The following SCARA5 variants were observed in gnomAD, a reference collection of about 807,000 sequenced individuals.
SCARA5 encodes the protein scavenger receptor class A, member 5 (putative).
In SCARA5, 45 loss-of-function variants were observed where a neutral mutation model predicts 46.3. The observed-to-expected ratio is 0.97, with a 90% CI of 0.76 to 1.24. The LOEUF (loss-of-function observed/expected upper bound fraction) is 1.24, where lower values mean the gene tolerates loss of function less well. Ranked by LOEUF, SCARA5 falls within the 50% of genes most tolerant of loss-of-function variation. The probability of loss-of-function intolerance (pLI) is 0.00; values close to 1 mark genes in which losing one functional copy is unlikely to be tolerated. For missense variants in SCARA5, 680 were observed against 689.0 expected, an observed-to-expected ratio of 0.99 and a Z score of 0.15; for synonymous variants, 333 against 306.5, an observed-to-expected ratio of 1.09 and a Z score of -0.90.
At chr8:27,872,398 G>A (rs911760931) in intron 8 of SCARA5, among the ~76,000 whole-genome samples, 13 of 152,224 alleles carry the variant, frequency 8.5e-5, no homozygotes, top group Admixed American at 3.3e-4. Context: ...CTTGAAGTAC[G>A]TGGGTAAAAT....
intron 2 of SCARA5, among the ~76,000 whole-genome samples, chr8:27,973,730 C>T (rs141618015): frequency 2.2e-4 from 33 of 152,294 alleles, no homozygotes; most frequent in Middle Eastern, 3.4e-3. Context: ...GGCCACAGCT[C>T]TGCAGCAAGG....
chr8:27,874,148 A>G (rs1372872681), intron 8 of SCARA5, among the ~76,000 whole-genome samples: 1 of 152,262 alleles, frequency 6.6e-6, no homozygotes, highest in East Asian at 1.9e-4. Flanking sequence ...TTTCTGCCTT[A>G]TAGAGCTAAC....
In SCARA5 at chr8:27,922,126, G is replaced by T. The variant is rs1807606226; in HGVS notation, c.361C>A (p.Leu121Met). Residue 121 changes from leucine to methionine, a missense_variant, in exon 4 of 9, where the codon CTG becomes ATG. Physicochemically the swap from Leu to Met is conservative, Grantham distance 15. Around this residue, in one of 3 missense-constraint regions of SCARA5, gnomAD observed 438 missense variants for 384.5 expected, o/e 1.14. Transcript: ENST00000354914. ...TGCACCTTCCACACCTGCTCCGTCA[G>T]GTCCGCTTGCAGCGGAGCCTGCAGC... ...RLLQAPLQAD[L>M]TEQVWKVQDA... 1.9e-6 allele frequency: 3 copies of T among 1,607,010 alleles called. No homozygotes were observed. Among genetic ancestry groups the T allele is most frequent in the African/African-American group, 2.7e-5 (2 of 74,884 alleles).
chr8:27,929,465 T>TG (rs1384571377), intron 3 of SCARA5, among the ~76,000 whole-genome samples: 1 of 152,228 alleles, frequency 6.6e-6, no homozygotes, highest in Non-Finnish European at 1.5e-5. Context: ...ACCTAAACCT[T>TG]GGGCACTGGT....
chr8:27,978,251 G>A (rs144502174), intron 2 of SCARA5, among the ~76,000 whole-genome samples: 1,504 of 149,216 alleles, frequency 0.01, 30 homozygotes, highest in African/African-American at 0.035. Flanking sequence ...GGTTGGTTTC[G>A]AACTCCTGAC....
chr8:27,941,321 G>A (rs968919479), intron 3 of SCARA5, among the ~76,000 whole-genome samples: 2 of 152,200 alleles, frequency 1.3e-5, no homozygotes, highest in Admixed American at 1.3e-4. Context: ...GGAGTCCAGA[G>A]GCCTGGGTTT....
At chr8:27,904,643 G>T in intron 7 of SCARA5, 135 bp downstream of exon 7, 1 of 823,960 alleles carries the variant, frequency 1.2e-6, no homozygotes, top group Non-Finnish European at 2.1e-6. Context: ...CCCTAAAAAA[G>T]GTAGGGAGCC....
chr8:27,950,358 A>C (rs1175671530), intron 3 of SCARA5, among the ~76,000 whole-genome samples: 1 of 150,678 alleles, frequency 6.6e-6, no homozygotes, highest in East Asian at 2.0e-4. Context: ...CCCCACACAC[A>C]CCCCCAATCC....
At chr8:27,983,146 A>G (rs1409020049) in intron 2 of SCARA5, among the ~76,000 whole-genome samples, 1 of 152,148 alleles carries the variant, frequency 6.6e-6, no homozygotes, top group African/African-American at 2.4e-5. Context: ...CCAAGCCCAT[A>G]AAAGAGGGAC....
intron 3 of SCARA5, among the ~76,000 whole-genome samples, chr8:27,928,652 T>C (rs1168390044): frequency 6.6e-6 from 1 of 151,784 alleles, no homozygotes; most frequent in Non-Finnish European, 1.5e-5. Flanking sequence ...CTTTCTCTTT[T>C]TCTTTTCTTT....
At chr8:27,937,972 C>T (rs74540449) in intron 3 of SCARA5, among the ~76,000 whole-genome samples, 25 of 152,136 alleles carry the variant, frequency 1.6e-4, no homozygotes, top group African/African-American at 5.3e-4. Flanking sequence ...AGGGCTTCCA[C>T]GTGTGGATTT....
intron 2 of SCARA5, among the ~76,000 whole-genome samples, chr8:27,987,265 T>C (rs1448208985): frequency 1.3e-5 from 2 of 152,228 alleles, no homozygotes; most frequent in Admixed American, 6.5e-5. Context: ...ATAAGACTGA[T>C]GGACTGTGAA....
chr8:27,973,337 C>G (rs1321016743), intron 2 of SCARA5, among the ~76,000 whole-genome samples: 3 of 152,026 alleles, frequency 2.0e-5, no homozygotes, highest in Non-Finnish European at 4.4e-5. Context: ...ATTAGCCAGG[C>G]TTGGTGGTGC....
intron 8 of SCARA5, among the ~76,000 whole-genome samples, chr8:27,877,057 C>A (rs1435951292): frequency 1.3e-5 from 2 of 152,182 alleles, no homozygotes; most frequent in Non-Finnish European, 2.9e-5. Flanking sequence ...GTGGCCAGGG[C>A]TGGGCTTGGT....
At chr8:27,960,283 C>A (rs891511447) in intron 3 of SCARA5, among the ~76,000 whole-genome samples, 13 of 151,844 alleles carry the variant, frequency 8.6e-5, no homozygotes, top group Admixed American at 5.9e-4. Flanking sequence ...CTCGAGTGAT[C>A]CTCCTACATC....
chr8:27,878,369 T>C (rs974243436), intron 8 of SCARA5, among the ~76,000 whole-genome samples: 1 of 152,012 alleles, frequency 6.6e-6, no homozygotes. Flanking sequence ...ACTGAATGGG[T>C]GTGGGGAGTA....
chr8:27,888,416 A>C (rs1806931278), intron 7 of SCARA5, among the ~76,000 whole-genome samples: 1 of 152,216 alleles, frequency 6.6e-6, no homozygotes, highest in Admixed American at 6.5e-5. Flanking sequence ...CTTTGAAGCC[A>C]TGTATGACCT....
intron 3 of SCARA5, among the ~76,000 whole-genome samples, chr8:27,935,755 C>G (rs1449515233): frequency 1.3e-5 from 2 of 152,104 alleles, no homozygotes; most frequent in African/African-American, 4.8e-5. Context: ...CCACCCATTC[C>G]CAGCAGATAG....
At chr8:27,892,518 A>G (rs993630815) in intron 7 of SCARA5, among the ~76,000 whole-genome samples, 2 of 151,884 alleles carry the variant, frequency 1.3e-5, no homozygotes, top group African/African-American at 2.4e-5. Flanking sequence ...GAGATAACTC[A>G]GGAGGGTGGA....
Sources: allele counts gnomAD v4.1 joint callset (sites outside exome capture counted in the v4.1 genomes callset), GRCh38; gene constraint gnomAD v4.1.1; regional missense constraint gnomAD v4.1.1; transcripts MANE v1.5; gene names NCBI Gene and HGNC (gene_info 2026-07-23, HGNC 2026-07-21).